The following DIAPH2 variants were observed in gnomAD, a reference collection of about 807,000 sequenced individuals.
DIAPH2 encodes protein diaphanous homolog 2.
Under a neutral mutation model 92.7 loss-of-function variants are expected in DIAPH2, and 35 were observed. That is an observed-to-expected ratio of 0.38 (90% CI 0.29 to 0.50). The LOEUF (loss-of-function observed/expected upper bound fraction) is 0.50, where lower values mean the gene tolerates loss of function less well. Among genes scored for constraint, DIAPH2 ranks in the 20% least tolerant of loss-of-function variants. The pLI, the probability that DIAPH2 is intolerant of heterozygous loss-of-function variation, is 0.94. For synonymous variants in DIAPH2, 301 were observed against 280.4 expected (o/e 1.07, Z -0.73); for missense variants, 701 against 819.5 (o/e 0.86, Z 1.77).
In DIAPH2 at chrX:96,782,471, A is replaced by AT. The variant is rs1395576632; in HGVS notation, c.447+24220dup. 5.4e-5 allele frequency among the ~76,000 whole-genome samples: 6 copies of AT among 111,296 alleles called. No individual in the cohort carries two copies. The East Asian group carries it at 8.5e-4, about 16-fold the overall frequency. ...CCACCACACCCGGCTAATTTTTTGT[A>AT]TTTTTTTAGTAGAGACGGGGTTTCA... On this transcript the variant is annotated intron_variant, in intron 4 of 26. Coordinates refer to ENST00000324765, the MANE Select transcript of DIAPH2 (RefSeq NM_006729.5).
At chrX:96,965,776 CTTTA>C (rs2065890166) in intron 17 of DIAPH2, among the ~76,000 whole-genome samples, 2 of 111,262 alleles carry the variant, frequency 1.8e-5, no homozygotes, top group Non-Finnish European at 3.8e-5. Context: ...TGATTAGATC[CTTTA>C]TTTATTTGCT....
intron 19 of DIAPH2, among the ~76,000 whole-genome samples, chrX:97,086,759 G>A (rs1054840810): frequency 1.8e-5 from 2 of 111,071 alleles, no homozygotes; most frequent in Non-Finnish European, 3.8e-5. Flanking sequence ...CCCTTATTTC[G>A]CGGGAGGAGA....
chrX:97,505,441 T>C, intron 26 of DIAPH2, among the ~76,000 whole-genome samples: 1 of 112,203 alleles, frequency 8.9e-6, no homozygotes, highest in Middle Eastern at 4.7e-3. Flanking sequence ...TTGTGCAGAT[T>C]AGTACTAGAT....
intron 22 of DIAPH2, among the ~76,000 whole-genome samples, chrX:97,208,642 T>C (rs966725086): frequency 8.9e-6 from 1 of 111,885 alleles, no homozygotes; most frequent in Non-Finnish European, 1.9e-5. Context: ...TAGAAAGGAA[T>C]GTATAGACTT....
At chrX:96,728,763 T>C (rs1354279042) in intron 1 of DIAPH2, among the ~76,000 whole-genome samples, 2 of 112,956 alleles carry the variant, frequency 1.8e-5, no homozygotes, top group African/African-American at 6.4e-5. Flanking sequence ...TTTGTATTTG[T>C]CTAAATCTAG....
intron 4 of DIAPH2, among the ~76,000 whole-genome samples, chrX:96,873,121 T>G (rs1248974084): frequency 1.8e-5 from 2 of 111,712 alleles, no homozygotes; most frequent in African/African-American, 6.5e-5. Context: ...ACAAGCCATT[T>G]TAACTGGGGT....
chrX:97,437,879 G>T lies in DIAPH2; in HGVS notation c.3241+8134G>T, dbSNP rs1347228263. 2.7e-5 allele frequency among the ~76,000 whole-genome samples: 3 copies of T among 109,415 alleles called. No homozygotes were observed. In the East Asian group the frequency reaches 8.5e-4, roughly 31 times the overall value. On this transcript the variant is annotated intron_variant, in intron 26 of 26. Transcript: ENST00000324765. ...TTGAAACCTTGGGATCACCCAGAAA[G>T]GACATCTCAAATGAGAGGGTTGAGG...
At chrX:97,073,149 G>A (rs5921296) in intron 18 of DIAPH2, 107 bp downstream of exon 18, 25,604 of 514,698 alleles carry the variant, frequency 0.05, 529 homozygotes, top group Middle Eastern at 0.059. Flanking sequence ...GGCATATTTA[G>A]CATCTTCTAG....
At chrX:96,827,183 C>T (rs1367180165) in intron 4 of DIAPH2, among the ~76,000 whole-genome samples, 4 of 111,982 alleles carry the variant, frequency 3.6e-5, no homozygotes, top group African/African-American at 1.3e-4. Flanking sequence ...TCTTAGAAAA[C>T]TTAGTAGCAG....
At chrX:97,333,863 C>T (rs887638570) in intron 23 of DIAPH2, among the ~76,000 whole-genome samples, 1 of 110,464 alleles carries the variant, frequency 9.1e-6, no homozygotes, top group South Asian at 4.0e-4. Context: ...CCGCCCCCGA[C>T]CCATATTTCT....
chrX:97,504,780 A>G (rs2070821314), intron 26 of DIAPH2, among the ~76,000 whole-genome samples: 1 of 112,118 alleles, frequency 8.9e-6, no homozygotes, highest in Admixed American at 9.5e-5. Context: ...TTCTGTTTAA[A>G]CCCAGAAAGA....
intron 26 of DIAPH2, among the ~76,000 whole-genome samples, chrX:97,502,124 A>G (rs753709055): frequency 1.8e-5 from 2 of 112,324 alleles, no homozygotes; most frequent in Admixed American, 1.9e-4. Flanking sequence ...TATTTTAAAT[A>G]GAGCTCTCCA....
chrX:97,591,050 T>C (rs2071513581), intron 26 of DIAPH2, among the ~76,000 whole-genome samples: 1 of 112,319 alleles, frequency 8.9e-6, no homozygotes, highest in South Asian at 3.7e-4. Flanking sequence ...TCTTCCTTTA[T>C]ACATTCATTG....
At chrX:96,810,067 G>A (rs1354993910) in intron 4 of DIAPH2, among the ~76,000 whole-genome samples, 1 of 112,050 alleles carries the variant, frequency 8.9e-6, no homozygotes, top group Non-Finnish European at 1.9e-5. Flanking sequence ...GGTATTTCTA[G>A]TTCTAGATCC....
chrX:96,763,193 T>A lies in DIAPH2; in HGVS notation c.447+4935T>A, dbSNP rs1474557865. 9.4e-6 allele frequency: 7 copies of A among 741,226 alleles called. No individual in the cohort carries two copies. In the East Asian group the frequency reaches 5.9e-4, roughly 62 times the overall value. 61.1% of individuals were successfully genotyped at this position (741,226 alleles called of 1,213,427 possible). A position where few individuals can be genotyped will look rare whatever the true frequency, so the allele number is the denominator to read the frequency against. The stretch of plus-strand genomic sequence containing the variant: ...TGTAAATTGTGATTTTTGCTTGTAG[T>A]ATTTTATATGTTTGGTTCTTTTGGT... On this transcript the variant is annotated intron_variant, in intron 4 of 26. Transcript: ENST00000324765.
At chrX:96,999,520 AGAG>A (rs1187655932) in intron 17 of DIAPH2, among the ~76,000 whole-genome samples, 1 of 105,915 alleles carries the variant, frequency 9.4e-6, no homozygotes, top group Non-Finnish European at 1.9e-5. Flanking sequence ...AAAAAAAAAA[AGAG>A]TCTAATTTCG....
intron 17 of DIAPH2, among the ~76,000 whole-genome samples, chrX:97,010,663 G>A (rs1408451273): frequency 1.8e-5 from 2 of 111,549 alleles, no homozygotes; most frequent in African/African-American, 6.5e-5. Context: ...TTTATATGAC[G>A]TTTCAGAACA....
At chrX:96,809,309 T>C (rs1273028035) in intron 4 of DIAPH2, among the ~76,000 whole-genome samples, 14 of 104,844 alleles carry the variant, frequency 1.3e-4, no homozygotes, top group Middle Eastern at 0.01. Flanking sequence ...CAGCTTCATA[T>C]TGTATGGCGG....
chrX:97,300,977 A>AAAAAAAAT (rs2068697762), intron 23 of DIAPH2, among the ~76,000 whole-genome samples: 1 of 76,160 alleles, frequency 1.3e-5, no homozygotes, highest in African/African-American at 4.6e-5. Context: ...AAGAAGAAGA[A>AAAAAAAAT]TGTCTCCATA....
Sources: allele counts gnomAD v4.1 joint callset (sites outside exome capture counted in the v4.1 genomes callset), GRCh38; gene constraint gnomAD v4.1.1; transcripts MANE v1.5; gene names NCBI Gene and HGNC (gene_info 2026-07-23, HGNC 2026-07-21).